CWC27: variants seen among roughly 807,000 people sequenced by gnomAD.
The protein encoded by CWC27 is CWC27 spliceosome associated cyclophilin.
CWC27 carries 47 observed loss-of-function variants against 63.6 expected under a neutral mutation model. That is an observed-to-expected ratio of 0.74 (90% CI 0.58 to 0.94). CWC27 has a LOEUF of 0.94. Ranked by LOEUF, CWC27 falls within the 40% of genes least tolerant of loss-of-function variation. The pLI is 0.00. For synonymous variants in CWC27, 175 were observed against 179.8 expected (o/e 0.97, Z 0.22); for missense variants, 495 against 554.3 (o/e 0.89, Z 1.07).
At chr5:65,014,840 A>G (rs1388871013) in intron 13 of CWC27, among the ~76,000 whole-genome samples, 1 of 152,218 alleles carries the variant, frequency 6.6e-6, no homozygotes, top group African/African-American at 2.4e-5. Flanking sequence ...TGAAAGATAA[A>G]TGGATGAAGC....
intron 13 of CWC27, among the ~76,000 whole-genome samples, chr5:65,009,183 T>A (rs1276867558): frequency 6.6e-6 from 1 of 152,032 alleles, no homozygotes; most frequent in Non-Finnish European, 1.5e-5. Flanking sequence ...AGGTGCCAGG[T>A]TCTTTTTAAC....
At chr5:64,963,915 G>T (rs1420531280) in intron 11 of CWC27, among the ~76,000 whole-genome samples, 2 of 152,142 alleles carry the variant, frequency 1.3e-5, no homozygotes, top group Non-Finnish European at 2.9e-5. Flanking sequence ...TGTCTTTTCT[G>T]AACTTGATTA....
At chr5:64,793,805 A>T (rs1432054440) in intron 7 of CWC27, among the ~76,000 whole-genome samples, 1 of 152,124 alleles carries the variant, frequency 6.6e-6, no homozygotes, top group Admixed American at 6.6e-5. Flanking sequence ...TCTTTATTCC[A>T]GAACCTTTCT....
chr5:64,791,658 G>T (rs1437852645), intron 7 of CWC27, among the ~76,000 whole-genome samples: 1 of 152,012 alleles, frequency 6.6e-6, no homozygotes, highest in African/African-American at 2.4e-5. Flanking sequence ...ATCATCAAAT[G>T]CTTGTATCTG....
chr5:64,995,367 T>G (rs1200025444), intron 13 of CWC27, among the ~76,000 whole-genome samples: 2 of 152,234 alleles, frequency 1.3e-5, no homozygotes, highest in South Asian at 2.1e-4. Context: ...ACATGGAGTT[T>G]TAAATATTTG....
At chr5:64,872,777 A>C (rs922481041) in intron 10 of CWC27, among the ~76,000 whole-genome samples, 6 of 152,150 alleles carry the variant, frequency 3.9e-5, no homozygotes, top group African/African-American at 1.4e-4. Context: ...GATCGACATC[A>C]TTCTATCTGA....
intron 13 of CWC27, among the ~76,000 whole-genome samples, chr5:64,990,266 G>GT (rs70983657): frequency 0.11 from 3,529 of 33,274 alleles, 850 homozygotes; most frequent in African/African-American, 0.29. Flanking sequence ...TTTTTTTTTT[G>GT]TTTTTTTTTT....
chr5:64,840,436 T>TATATATATATATA (rs1745802323), intron 10 of CWC27, among the ~76,000 whole-genome samples: 2 of 112,126 alleles, frequency 1.8e-5, no homozygotes, highest in Non-Finnish European at 1.8e-5. Flanking sequence ...TATATACTTA[T>TATATATATATATA]TAAGGACATT....
At chr5:65,005,871 A>G (rs951418529) in intron 13 of CWC27, among the ~76,000 whole-genome samples, 2 of 152,242 alleles carry the variant, frequency 1.3e-5, no homozygotes, top group Non-Finnish European at 2.9e-5. Flanking sequence ...GTAATATTTT[A>G]AAACATACTC....
chr5:64,905,324 A>G (rs983374047), intron 11 of CWC27, among the ~76,000 whole-genome samples: 1 of 151,464 alleles, frequency 6.6e-6, no homozygotes, highest in Non-Finnish European at 1.5e-5. Context: ...CATGTTACTT[A>G]CCATTAGATC....
chr5:64,908,979 C>A (rs1364788501), intron 11 of CWC27, among the ~76,000 whole-genome samples: 1 of 152,116 alleles, frequency 6.6e-6, no homozygotes, highest in Non-Finnish European at 1.5e-5. Context: ...TTTCTAGCAT[C>A]GATGGTCTTT....
At chr5:64,906,672 T>G (rs1561151237) in intron 11 of CWC27, among the ~76,000 whole-genome samples, 1 of 152,250 alleles carries the variant, frequency 6.6e-6, no homozygotes. Flanking sequence ...CTCTTTAGTT[T>G]AATTAGATCT....
intron 10 of CWC27, among the ~76,000 whole-genome samples, chr5:64,878,018 G>T (rs1003239428): frequency 6.6e-6 from 1 of 151,886 alleles, no homozygotes; most frequent in African/African-American, 2.4e-5. Flanking sequence ...GAATTAAAAT[G>T]ATCTGCGTGG....
At chr5:64,960,547 A>C (rs1748887739) in intron 11 of CWC27, among the ~76,000 whole-genome samples, 1 of 152,138 alleles carries the variant, frequency 6.6e-6, no homozygotes, top group Non-Finnish European at 1.5e-5. Flanking sequence ...TTAAAAAAAA[A>C]TACAAATTGA....
chr5:64,943,336 T>C (rs1748525087), intron 11 of CWC27, among the ~76,000 whole-genome samples: 1 of 152,226 alleles, frequency 6.6e-6, no homozygotes. Flanking sequence ...GAACAAAGCA[T>C]TTTAAAAACA....
chr5:64,928,563 A>G (rs1356020835), intron 11 of CWC27, among the ~76,000 whole-genome samples: 1 of 151,342 alleles, frequency 6.6e-6, no homozygotes, highest in African/African-American at 2.5e-5. Context: ...GAAAAAAGCC[A>G]AGTGCACAAC....
intron 7 of CWC27, among the ~76,000 whole-genome samples, chr5:64,794,459 A>T (rs1744187824): frequency 6.6e-6 from 1 of 152,116 alleles, no homozygotes; most frequent in African/African-American, 2.4e-5. Flanking sequence ...TGAATTACTA[A>T]GAATAAGATC....
intron 10 of CWC27, among the ~76,000 whole-genome samples, chr5:64,853,167 A>G (rs11749845): frequency 6.6e-6 from 1 of 152,082 alleles, no homozygotes; most frequent in Non-Finnish European, 1.5e-5. Context: ...AAACTTTCTA[A>G]CAGGTAGACC....
At chr5:64,859,969 G>A (rs914807495) in intron 10 of CWC27, among the ~76,000 whole-genome samples, 3 of 151,904 alleles carry the variant, frequency 2.0e-5, no homozygotes, top group Non-Finnish European at 4.4e-5. Flanking sequence ...GTGTTTATTT[G>A]GCCCATCCTT....
Sources: gnomAD v4.1 joint callset for allele counts (sites outside exome capture counted in the v4.1 genomes callset) on GRCh38, gnomAD v4.1.1 for gene constraint, MANE v1.5 for transcripts, NCBI Gene and HGNC (gene_info 2026-07-23, HGNC 2026-07-21) for gene names.